The following PELI2 variants were observed in gnomAD, a reference collection of about 807,000 sequenced individuals.
PELI2 encodes pellino E3 ubiquitin protein ligase family member 2, also known as E3 ubiquitin-protein ligase pellino homolog 2.
A neutral mutation model predicts 42.3 loss-of-function variants in PELI2; 23 were observed. That is an observed-to-expected ratio of 0.54 (90% confidence interval 0.39 to 0.77). The LOEUF is 0.77. Among genes scored for constraint, PELI2 ranks in the 30% least tolerant of loss-of-function variants. PELI2 has a pLI of 0.00. For missense variants in PELI2, 463 were observed against 553.2 expected, an observed-to-expected ratio of 0.84 and a Z score of 1.64; for synonymous variants, 245 against 212.2, an observed-to-expected ratio of 1.15 and a Z score of -1.34.
intron 2 of PELI2, among the ~76,000 whole-genome samples, chr14:56,228,185 C>A (rs1421737929): frequency 6.6e-6 from 1 of 152,208 alleles, no homozygotes; most frequent in African/African-American, 2.4e-5. Context: ...ACAGCATTTT[C>A]ATTTCAAATG....
At chr14:56,155,279 G>T (rs1884512915) in intron 1 of PELI2, among the ~76,000 whole-genome samples, 1 of 151,202 alleles carries the variant, frequency 6.6e-6, no homozygotes. Context: ...TTTTATGTTA[G>T]GAACATTATT....
At position 56,282,122 on chromosome 14, in the gene PELI2, A is replaced by G. The variant is rs143060866; in HGVS notation, c.309+2345A>G. ...TTTGTACAGAGTTATTGCTCAAAGC[A>G]TTGCTTAATAGGAAAAGATTGGAAA... is the stretch of plus-strand genomic sequence containing the variant. On this transcript the variant is annotated intron_variant, in intron 3 of 5. Transcript: ENST00000267460. 1.8e-3 allele frequency among the ~76,000 whole-genome samples: 267 copies of G among 152,260 alleles called. 1 individual carries two copies. Among genetic ancestry groups the G allele is most frequent in the African/African-American group, 3.7e-3 (155 of 41,566 alleles).
At chr14:56,156,020 A>G (rs1884554193) in intron 1 of PELI2, among the ~76,000 whole-genome samples, 2 of 152,208 alleles carry the variant, frequency 1.3e-5, no homozygotes, top group Admixed American at 1.3e-4. Flanking sequence ...TAGGAAAATG[A>G]TAATAGTGGA....
chr14:56,130,136 G>A (rs1016493223), intron 1 of PELI2, among the ~76,000 whole-genome samples: 2 of 152,030 alleles, frequency 1.3e-5, no homozygotes, highest in African/African-American at 2.4e-5. Context: ...GGTTCTTCCT[G>A]CTCCTTGGGG....
intron 2 of PELI2, among the ~76,000 whole-genome samples, chr14:56,267,009 GTATAGGC>G (rs1476730873): frequency 1.3e-5 from 2 of 152,006 alleles, no homozygotes; most frequent in East Asian, 3.9e-4. Context: ...TACTGTGCTG[GTATAGGC>G]ATAGACTTTT....
In PELI2 at chr14:56,197,391, G is replaced by A. The variant is rs1886166227; in HGVS notation, c.207+18927G>A. ...AGGCTTGAGGGCTGGTTAGTGGGGAGTTGGAGCTTGGGATGAGATGAGGGT... is the reference window on the plus strand; with the variant it reads ...AGGCTTGAGGGCTGGTTAGTGGGGAATTGGAGCTTGGGATGAGATGAGGGT... On this transcript the variant is annotated intron_variant, in intron 2 of 5. Transcript: ENST00000267460. This position sits in a 1 kb window ranked among gnomAD's most constrained non-coding sequence, Gnocchi z 4.9. Among the ~76,000 whole-genome samples the A allele has an allele frequency of 2.0e-5, 3 of 152,160 alleles. No individual in the cohort carries two copies. The highest frequency in any genetic ancestry group is 4.4e-5 in the Non-Finnish European group (3 of 68,024).
At chr14:56,246,380 C>T (rs534505666) in intron 2 of PELI2, among the ~76,000 whole-genome samples, 4 of 152,286 alleles carry the variant, frequency 2.6e-5, no homozygotes, top group Admixed American at 6.5e-5. Flanking sequence ...AAAAAGTCAA[C>T]ATTTTCTCTA....
At chr14:56,206,157 A>C (rs1307535773) in intron 2 of PELI2, among the ~76,000 whole-genome samples, 1 of 152,194 alleles carries the variant, frequency 6.6e-6, no homozygotes, top group African/African-American at 2.4e-5. Context: ...ATTAGAACAA[A>C]TGGTAACTTC....
chr14:56,143,543 C>T (rs529783709), intron 1 of PELI2, among the ~76,000 whole-genome samples: 1 of 152,294 alleles, frequency 6.6e-6, no homozygotes, highest in Admixed American at 6.5e-5. Flanking sequence ...TTTTGTATTT[C>T]CTTTATTTCT....
At chr14:56,170,648 C>T (rs1885132193) in intron 1 of PELI2, among the ~76,000 whole-genome samples, 1 of 152,138 alleles carries the variant, frequency 6.6e-6, no homozygotes, top group East Asian at 1.9e-4. Context: ...CACAGGGTTT[C>T]TTGGCACATA....
Position 56,290,293 on chromosome 14 carries a change from C to T in PELI2, c.533C>T (p.Pro178Leu). 3 of 1,598,994 alleles carry T rather than the reference C, an allele frequency of 1.9e-6. No homozygotes were observed. The highest frequency in any genetic ancestry group is 2.6e-6 in the Non-Finnish European group (3 of 1,169,458). The change falls in exon 5 of 6, where the codon CCC (proline) becomes CTC (leucine). Residue 178 changes from proline to leucine, a missense_variant. Coordinates refer to ENST00000267460, the MANE Select transcript of PELI2 (RefSeq NM_021255.3). The stretch of plus-strand genomic sequence containing the variant: ...GAAAAGGCAGCAAAGTGGAAAAACC[C>T]CGACGGCCACATGGATGGGCTCACT... Reference protein sequence around the residue: ...LGEKAAKWKNPDGHMDGLTTN... With the variant: ...LGEKAAKWKNLDGHMDGLTTN...
chr14:56,194,035 A>C (rs534771143), intron 2 of PELI2, among the ~76,000 whole-genome samples: 1 of 152,298 alleles, frequency 6.6e-6, no homozygotes, highest in South Asian at 2.1e-4. Flanking sequence ...TAAGAAGTTG[A>C]TACAAGTCTT....
intron 2 of PELI2, among the ~76,000 whole-genome samples, chr14:56,194,203 C>T (rs745678347): frequency 1.3e-5 from 2 of 152,154 alleles, no homozygotes; most frequent in Non-Finnish European, 2.9e-5. Flanking sequence ...ACTTCCCACT[C>T]GGGCAGCAAG....
intron 2 of PELI2, among the ~76,000 whole-genome samples, chr14:56,241,526 T>C (rs550545254): frequency 3.3e-5 from 5 of 152,276 alleles, no homozygotes; most frequent in African/African-American, 9.6e-5. Flanking sequence ...GAGGACAGGC[T>C]GTGTCCAGTG....
At chr14:56,293,780 A>G (rs994618402) in intron 5 of PELI2, among the ~76,000 whole-genome samples, 4 of 152,216 alleles carry the variant, frequency 2.6e-5, no homozygotes, top group African/African-American at 9.6e-5. Flanking sequence ...AGTCAAGGGT[A>G]TGTGGAAAAT....
chr14:56,240,192 A>G (rs2139791498), intron 2 of PELI2, among the ~76,000 whole-genome samples: 1 of 152,272 alleles, frequency 6.6e-6, no homozygotes, highest in East Asian at 1.9e-4. Context: ...TTTGTGTTTT[A>G]GCACCGCCAC....
chr14:56,229,270 T>A (rs570987107), intron 2 of PELI2, among the ~76,000 whole-genome samples: 1 of 152,330 alleles, frequency 6.6e-6, no homozygotes, highest in East Asian at 1.9e-4. Context: ...GAGTTTGAGA[T>A]CTGAGAACGG....
At chr14:56,176,749 A>C (rs1885400848) in intron 1 of PELI2, among the ~76,000 whole-genome samples, 1 of 152,218 alleles carries the variant, frequency 6.6e-6, no homozygotes. Flanking sequence ...CCTGCCATAC[A>C]CACAGAGCTG....
chr14:56,149,961 T>C (rs1173464004), intron 1 of PELI2, among the ~76,000 whole-genome samples: 1 of 152,212 alleles, frequency 6.6e-6, no homozygotes, highest in Non-Finnish European at 1.5e-5. Flanking sequence ...TAACTCTCTA[T>C]GCTAGCTCCA....
Sources: gnomAD v4.1 joint callset for allele counts (sites outside exome capture counted in the v4.1 genomes callset) on GRCh38, gnomAD v4.1.1 for gene constraint, Gnocchi (gnomAD v3.1) non-coding constraint, MANE v1.5 for transcripts, NCBI Gene and HGNC (gene_info 2026-07-23, HGNC 2026-07-21) for gene names.